The following CCDC60 variants were observed in gnomAD, a reference collection of about 807,000 sequenced individuals.
CCDC60 encodes coiled-coil domain containing 60.
In CCDC60, 54 loss-of-function variants were observed where a neutral mutation model predicts 63.5. The observed-to-expected ratio is 0.85, with a 90% CI of 0.68 to 1.07. The LOEUF (loss-of-function observed/expected upper bound fraction) is 1.07, where lower values mean the gene tolerates loss of function less well. Among genes scored for constraint, CCDC60 ranks in the 50% least tolerant of loss-of-function variants. The pLI, the probability that CCDC60 is intolerant of heterozygous loss-of-function variation, is 0.00. For synonymous variants in CCDC60, 206 were observed against 238.8 expected (o/e 0.86, Z 1.27); for missense variants, 651 against 684.3 (o/e 0.95, Z 0.54).
At chr12:119,375,032 A>G (rs1593000776) in intron 1 of CCDC60, among the ~76,000 whole-genome samples, 1 of 152,098 alleles carries the variant, frequency 6.6e-6, no homozygotes, top group African/African-American at 2.4e-5. Flanking sequence ...ATCTTGTGAT[A>G]CCAGTCCTGC....
Position 119,456,265 on chromosome 12 carries a change from G to C in CCDC60, c.171-15729G>C, listed in dbSNP as rs545312603. Among the ~76,000 whole-genome samples the C allele has an allele frequency of 2.6e-5, 4 of 152,272 alleles. No individual in the cohort carries two copies. In the South Asian group the frequency reaches 6.2e-4, roughly 24 times the overall value. On this transcript the variant is annotated intron_variant, in intron 2 of 13. Transcript: ENST00000327554. This position sits in a 1 kb window ranked among gnomAD's most constrained non-coding sequence, Gnocchi z 4.6. ...TGATGAGATTTGCCTTTTCAAAAAA[G>C]CCCTGGGGCAGCCAGGTGGCCAATA... is the stretch of plus-strand genomic sequence containing the variant.
chr12:119,340,400 TG>T (rs1955519801), intron 1 of CCDC60, among the ~76,000 whole-genome samples: 1 of 152,178 alleles, frequency 6.6e-6, no homozygotes, highest in African/African-American at 2.4e-5. Context: ...CTAGGTAGAC[TG>T]GGGCTTGAAG....
chr12:119,443,181 C>T (rs568093024), intron 2 of CCDC60, among the ~76,000 whole-genome samples: 6 of 152,272 alleles, frequency 3.9e-5, no homozygotes, highest in Admixed American at 3.3e-4. Context: ...TCTTTAATAC[C>T]AGCAACTTCA....
At chr12:119,360,884 G>C (rs1026210571) in intron 1 of CCDC60, among the ~76,000 whole-genome samples, 2 of 152,168 alleles carry the variant, frequency 1.3e-5, no homozygotes, top group Admixed American at 1.3e-4. Flanking sequence ...CTGCAATCCC[G>C]GCACCTCGGG....
chr12:119,399,281 C>CACCCAGG (rs1188685900), intron 1 of CCDC60, among the ~76,000 whole-genome samples: 2 of 152,170 alleles, frequency 1.3e-5, no homozygotes, highest in Non-Finnish European at 2.9e-5. Context: ...AAAGGAGATG[C>CACCCAGG]ACCCAGGACC....
At chr12:119,482,009 A>ATATATATGTATATACATATGTATATATAG (rs774808817) in intron 4 of CCDC60, among the ~76,000 whole-genome samples, 7 of 40,636 alleles carry the variant, frequency 1.7e-4, no homozygotes, top group African/African-American at 4.1e-4. Context: ...TATATATAGT[A>ATATATATGTATATACATATGTATATATAG]TATATATATG....
At chr12:119,527,094 T>C (rs769253541) in intron 11 of CCDC60, among the ~76,000 whole-genome samples, 5 of 152,192 alleles carry the variant, frequency 3.3e-5, no homozygotes, top group African/African-American at 1.2e-4. Flanking sequence ...TAAAAAAGAA[T>C]GAGATCATGT....
intron 1 of CCDC60, among the ~76,000 whole-genome samples, chr12:119,342,587 T>TC (rs1303084596): frequency 6.6e-6 from 1 of 152,180 alleles, no homozygotes; most frequent in Non-Finnish European, 1.5e-5. Flanking sequence ...TGCTTAGGAA[T>TC]CTCAAGGGCA....
At chr12:119,470,631 G>A (rs1477020186) in intron 2 of CCDC60, among the ~76,000 whole-genome samples, 2 of 152,156 alleles carry the variant, frequency 1.3e-5, no homozygotes, top group Non-Finnish European at 2.9e-5. Context: ...ATGGCAGCTG[G>A]CTGGGAATAT....
chr12:119,511,129 T>C (rs1952205579), intron 7 of CCDC60, among the ~76,000 whole-genome samples: 1 of 152,214 alleles, frequency 6.6e-6, no homozygotes, highest in African/African-American at 2.4e-5. Flanking sequence ...AAAAGTTTGC[T>C]ACTTTAGCCT....
intron 2 of CCDC60, among the ~76,000 whole-genome samples, chr12:119,471,011 T>C (rs1477196725): frequency 6.6e-6 from 1 of 152,154 alleles, no homozygotes; most frequent in African/African-American, 2.4e-5. Context: ...TAAAACTGAA[T>C]TTGAGAACCA....
At chr12:119,361,133 AGGGAGAGGGAGACCATG>A (rs1043481817) in intron 1 of CCDC60, among the ~76,000 whole-genome samples, 11 of 133,876 alleles carry the variant, frequency 8.2e-5, no homozygotes, top group Admixed American at 2.6e-4. Context: ...GTGGAAAGAG[AGGGAGAGGGAGACCATG>A]GGGAGAGGGA....
intron 1 of CCDC60, among the ~76,000 whole-genome samples, chr12:119,422,656 T>C (rs775716578): frequency 1.3e-5 from 2 of 152,180 alleles, no homozygotes; most frequent in African/African-American, 4.8e-5. Flanking sequence ...ACCACCCCCA[T>C]GATCCAATCA....
chr12:119,424,573 T>C (rs542545938), intron 1 of CCDC60, among the ~76,000 whole-genome samples: 119 of 152,358 alleles, frequency 7.8e-4, no homozygotes, highest in African/African-American at 2.7e-3. Context: ...TATGTCTAAA[T>C]TGCCCTCTAG....
In CCDC60 at chr12:119,464,304, C is replaced by A. The variant is rs1481729341; in HGVS notation, c.171-7690C>A. Among the ~76,000 whole-genome samples, 5 of 90,350 alleles carry A rather than the reference C, an allele frequency of 5.5e-5. 1 individual carries two copies. The highest frequency in any genetic ancestry group is 1.9e-4 in the African/African-American group (4 of 20,558). 59.3% of individuals were successfully genotyped at this position (90,350 alleles called of 152,430 possible). On this transcript the variant is annotated intron_variant, in intron 2 of 13. Transcript: ENST00000327554. The stretch of plus-strand genomic sequence containing the variant: ...CAGAGTTGGGTTGCAAGAGCAACCC[C>A]CCCCCCACTCTTCCTTACTTCCTCT...
chr12:119,387,034 T>TCTCTCTCA (rs543330015), intron 1 of CCDC60, among the ~76,000 whole-genome samples: 18 of 105,452 alleles, frequency 1.7e-4, no homozygotes, highest in East Asian at 3.9e-4. Context: ...TCTGTCTCTC[T>TCTCTCTCA]CACACACACA....
intron 1 of CCDC60, among the ~76,000 whole-genome samples, chr12:119,379,215 G>A (rs943983744): frequency 4.6e-5 from 7 of 152,238 alleles, no homozygotes; most frequent in Non-Finnish European, 5.9e-5. Flanking sequence ...CATAATAACC[G>A]TGTATAAAAT....
In CCDC60 at chr12:119,410,203, G is replaced by GTC. The variant is rs1353344783; in HGVS notation, c.91-18479_91-18478insCT. On this transcript the variant is annotated intron_variant, in intron 1 of 13. Coordinates refer to ENST00000327554, the MANE Select transcript of CCDC60 (RefSeq NM_178499.5). The surrounding 1 kb of genome is among the most constrained non-coding windows in gnomAD (Gnocchi z 4.0). The stretch of plus-strand genomic sequence containing the variant: ...AAAGAGTGTGTGTGTGTGTGTGTCT[G>GTC]TGTGTGTGTGTGTGTGTGGTTTCCA... Among the ~76,000 whole-genome samples the GTC allele has an allele frequency of 4.0e-5, 3 of 75,228 alleles. No homozygotes were observed. Among genetic ancestry groups the GTC allele is most frequent in the African/African-American group, 1.6e-4 (3 of 19,240 alleles). The allele number at this position is 75,228 out of a possible 152,430, so 49.4% of individuals were successfully genotyped here. A position where few individuals can be genotyped will look rare whatever the true frequency, so the allele number is the denominator to read the frequency against.
intron 13 of CCDC60, among the ~76,000 whole-genome samples, chr12:119,537,521 G>C (rs1452594615): frequency 3.9e-5 from 6 of 152,246 alleles, no homozygotes; most frequent in African/African-American, 1.4e-4. Flanking sequence ...CAGCTTTTCT[G>C]CTCTGGTTTC....
Sources: allele counts gnomAD v4.1 joint callset (sites outside exome capture counted in the v4.1 genomes callset), GRCh38; gene constraint gnomAD v4.1.1; non-coding constraint Gnocchi (gnomAD v3.1); transcripts MANE v1.5; gene names NCBI Gene and HGNC (gene_info 2026-07-23, HGNC 2026-07-21).